The following ATL1 variants were observed in gnomAD, a reference collection of about 807,000 sequenced individuals.
The protein encoded by ATL1 is atlastin GTPase 1.
A neutral mutation model predicts 75.5 loss-of-function variants in ATL1; 31 were observed. The ratio of observed to expected loss-of-function variants is 0.41; its 90% CI spans 0.31 to 0.55. The LOEUF (loss-of-function observed/expected upper bound fraction) is 0.55. Ranked by LOEUF, ATL1 falls within the 20% of genes least tolerant of loss-of-function variation. The probability of loss-of-function intolerance (pLI) is 0.27; values close to 1 mark genes in which losing one functional copy is unlikely to be tolerated. For synonymous variants in ATL1, 226 were observed against 233.3 expected (o/e 0.97, Z 0.28); for missense variants, 405 against 662.6 (o/e 0.61, Z 4.27).
intron 1 of ATL1, among the ~76,000 whole-genome samples, chr14:50,540,091 C>T (rs1172631293): frequency 6.6e-6 from 1 of 152,140 alleles, no homozygotes; most frequent in Non-Finnish European, 1.5e-5. Context: ...ATTGGGAGCC[C>T]ACATTGAAAC....
intron 5 of ATL1, among the ~76,000 whole-genome samples, chr14:50,594,557 CAAAA>C (rs2039194346): frequency 6.6e-6 from 1 of 152,078 alleles, no homozygotes; most frequent in African/African-American, 2.4e-5. Flanking sequence ...ATCACTGCTC[CAAAA>C]GGAGCAGAAA....
chr14:50,551,465 A>G lies in ATL1; in HGVS notation c.-139-8662A>G, dbSNP rs111302297. Among the ~76,000 whole-genome samples the G allele has an allele frequency of 2.4e-3, 363 of 152,314 alleles. 1 individual carries two copies. The highest frequency in any genetic ancestry group is 8.0e-3 in the African/African-American group (334 of 41,578). ...AGACATTCAAAGAAGAATTGGTACC[A>G]ATTCTACTGAAACTATTTCAAAAGA... On this transcript the variant is annotated intron_variant, in intron 1 of 13. Transcript: ENST00000441560.
At chr14:50,589,791 G>A (rs2039138948) in intron 2 of ATL1, among the ~76,000 whole-genome samples, 1 of 152,050 alleles carries the variant, frequency 6.6e-6, no homozygotes, top group Non-Finnish European at 1.5e-5. Context: ...AACAAGATAG[G>A]ATATAATTAA....
intron 1 of ATL1, among the ~76,000 whole-genome samples, chr14:50,584,695 C>G (rs985184935): frequency 6.6e-6 from 1 of 150,902 alleles, no homozygotes; most frequent in African/African-American, 2.4e-5. Flanking sequence ...GGCGACAGAA[C>G]GAGACTCTGT....
intron 1 of ATL1, among the ~76,000 whole-genome samples, chr14:50,582,234 G>A (rs1189205576): frequency 2.6e-5 from 4 of 151,346 alleles, no homozygotes; most frequent in East Asian, 2.0e-4. Context: ...AGCCGAGATC[G>A]CGCCACTGCA....
intron 1 of ATL1, among the ~76,000 whole-genome samples, chr14:50,574,937 GTATATATA>G (rs71118894): frequency 0.027 from 618 of 23,122 alleles, 25 homozygotes; most frequent in African/African-American, 0.1. Flanking sequence ...GTGTGTGTGT[GTATATATA>G]TATATATATA....
At chr14:50,542,451 A>G (rs1052372006) in intron 1 of ATL1, 2 of 152,128 alleles carry the variant, frequency 1.3e-5, no homozygotes, top group Non-Finnish European at 2.9e-5. Flanking sequence ...CCCAGAACTT[A>G]AAGTAAAATT....
At chr14:50,547,527 C>A (rs549618643) in intron 1 of ATL1, among the ~76,000 whole-genome samples, 2 of 152,136 alleles carry the variant, frequency 1.3e-5, no homozygotes, top group Middle Eastern at 3.2e-3. Flanking sequence ...AGGCAGGCAA[C>A]GAAGATGAAA....
chr14:50,558,346 G>A (rs528574857), upstream of ATL1, among the ~76,000 whole-genome samples: 10 of 152,334 alleles, frequency 6.6e-5, no homozygotes, highest in Admixed American at 6.5e-4. Context: ...GCAACAGAGG[G>A]AGACTGTGTC....
Position 50,632,548 on chromosome 14 carries a change from A to G in ATL1, c.*209A>G. 2 of 431,958 alleles carry G rather than the reference A, an allele frequency of 4.6e-6. No homozygotes were observed. Among genetic ancestry groups the G allele is most frequent in the South Asian group, 2.3e-5 (1 of 44,034 alleles). The allele number at this position is 431,958 out of a possible 1,614,324, so 26.8% of individuals were successfully genotyped here. On this transcript the variant is annotated 3_prime_UTR_variant, in exon 14 of 14. Transcript: ENST00000358385. ...TTATACTATTTTGTTAACATGTACA[A>G]TTTCCTGATTTTTCTTCAAAAATGC...
At chr14:50,606,320 CTA>C (rs2039317020) in intron 6 of ATL1, among the ~76,000 whole-genome samples, 1 of 151,862 alleles carries the variant, frequency 6.6e-6, no homozygotes, top group African/African-American at 2.4e-5. Context: ...AGTATATTTA[CTA>C]TTATTGATAC....
At chr14:50,557,799 C>G (rs1047074337), upstream of ATL1, among the ~76,000 whole-genome samples, 6 of 152,186 alleles carry the variant, frequency 3.9e-5, no homozygotes, top group African/African-American at 1.4e-4. Context: ...GCACCCACGT[C>G]TTGGTTTCTA....
At chr14:50,545,094 C>A (rs530169055) in intron 1 of ATL1, among the ~76,000 whole-genome samples, 2 of 152,188 alleles carry the variant, frequency 1.3e-5, no homozygotes, top group Admixed American at 6.5e-5. Context: ...TCTGAGAACC[C>A]AAACATCATG....
chr14:50,574,453 G>T (rs892598258), intron 1 of ATL1, among the ~76,000 whole-genome samples: 1 of 152,202 alleles, frequency 6.6e-6, no homozygotes, highest in Non-Finnish European at 1.5e-5. Flanking sequence ...ATAGAGAACA[G>T]CTTAGAATGA....
intron 1 of ATL1, among the ~76,000 whole-genome samples, chr14:50,540,631 G>A (rs1358994576): frequency 2.0e-5 from 3 of 152,054 alleles, no homozygotes; most frequent in Non-Finnish European, 4.4e-5. Context: ...TCAAAATACC[G>A]CCAAAATTCC....
In ATL1 at chr14:50,628,101, A is replaced by C; in HGVS notation, c.1190A>C (p.Glu397Ala). The C allele has an allele frequency of 6.2e-7, 1 of 1,614,204 alleles. No individual in the cohort carries two copies. The highest frequency in any genetic ancestry group is 8.5e-7 in the Non-Finnish European group (1 of 1,180,038). ...LQTKHLQLKE[E>A]SVKLFRGVKK... ...ACCAAACACCTGCAACTTAAGGAAG[A>C]ATCTGTGAAGCTATTCCGAGGGGTG... Residue 397 changes from glutamate to alanine, a missense_variant, in exon 12 of 14, where the codon GAA (glutamate) becomes GCA (alanine). Around this residue, in one of 5 missense-constraint regions of ATL1, gnomAD observed 163 missense variants for 244.1 expected, o/e 0.67. Transcript: ENST00000358385.
In ATL1 at chr14:50,585,180, G is replaced by A. The variant is rs1040755143; in HGVS notation, c.35-2651G>A. 3.9e-5 allele frequency among the ~76,000 whole-genome samples: 6 copies of A among 152,242 alleles called. No individual in the cohort carries two copies. In the East Asian group the frequency reaches 5.8e-4, roughly 15 times the overall value. On this transcript the variant is annotated intron_variant, in intron 1 of 13. Coordinates refer to ENST00000358385, the MANE Select transcript of ATL1 (RefSeq NM_015915.5). ...ATCAATAGGATGTTAAATTGCTGGC[G>A]GAAGTGAAACATTTATATAGCCACT...
rs767520234 is a variant in ATL1 at position 50,560,242 on chromosome 14, AC to A, written c.-22del. ...GCAGCGAGCGCAGTGACAGCGCCTC[AC>A]CGCCACCAGCTCCTGGACCACCATG... On this transcript the variant is annotated 5_prime_UTR_variant, in exon 1 of 14. Coordinates refer to ENST00000358385, the MANE Select transcript of ATL1 (RefSeq NM_015915.5). 1.3e-5 allele frequency: 21 copies of A among 1,613,490 alleles called. No homozygotes were observed. Among genetic ancestry groups the A allele is most frequent in the Non-Finnish European group, 1.8e-5 (21 of 1,179,744 alleles).
At chr14:50,574,829 T>A (rs958284200) in intron 1 of ATL1, among the ~76,000 whole-genome samples, 34 of 151,264 alleles carry the variant, frequency 2.2e-4, no homozygotes, top group Admixed American at 3.3e-4. Context: ...CATGAACCTC[T>A]ATGTAAATAA....
Sources: gnomAD v4.1 joint callset for allele counts (sites outside exome capture counted in the v4.1 genomes callset) on GRCh38, gnomAD v4.1.1 for gene constraint, gnomAD v4.1.1 regional missense constraint, MANE v1.5 for transcripts, NCBI Gene and HGNC (gene_info 2026-07-23, HGNC 2026-07-21) for gene names.